The following LSM4 variants were observed in gnomAD, a reference collection of about 807,000 sequenced individuals.
LSM4 encodes U6 snRNA-associated Sm-like protein LSm4.
A neutral mutation model predicts 22.3 loss-of-function variants in LSM4; 15 were observed. The observed-to-expected ratio is 0.67, with a 90% CI of 0.45 to 1.03. LSM4 has a LOEUF of 1.03. Ranked by LOEUF, LSM4 falls within the 50% of genes least tolerant of loss-of-function variation. The pLI is 0.00. For synonymous variants in LSM4, 90 were observed against 79.8 expected (o/e 1.13, Z -0.68); for missense variants, 127 against 198.0 (o/e 0.64, Z 2.15).
At chr19:18,322,227 G>A (rs1171320788) in intron 1 of LSM4, among the ~76,000 whole-genome samples, 1 of 152,038 alleles carries the variant, frequency 6.6e-6, no homozygotes, top group Non-Finnish European at 1.5e-5. Flanking sequence ...CCCCAACAAG[G>A]GCCTTGGTTT....
chr19:18,319,270 A>G, intron 1 of LSM4, among the ~76,000 whole-genome samples: 1 of 151,426 alleles, frequency 6.6e-6, no homozygotes, highest in East Asian at 1.9e-4. Context: ...AAAACAAAAC[A>G]AAAGAAAGAC....
At chr19:18,310,292 GC>G in intron 3 of LSM4, 1 of 201,628 alleles carries the variant, frequency 5.0e-6, no homozygotes. Flanking sequence ...TCCTCCTCCT[GC>G]CCCAGCCCCA....
chr19:18,308,212 C>G (rs959503577), intron 4 of LSM4, among the ~76,000 whole-genome samples: 1 of 152,118 alleles, frequency 6.6e-6, no homozygotes, highest in African/African-American at 2.4e-5. Flanking sequence ...GACGCTACAG[C>G]GGCACCTCCA....
At chr19:18,312,911 AC>A (rs1970314289) in intron 2 of LSM4, among the ~76,000 whole-genome samples, 1 of 152,150 alleles carries the variant, frequency 6.6e-6, no homozygotes, top group Non-Finnish European at 1.5e-5. Context: ...CATGACGCCA[AC>A]CTTTGTGCAA....
chr19:18,322,332 C>T lies in LSM4; in HGVS notation c.3+686G>A, dbSNP rs369178148. Among the ~76,000 whole-genome samples, 183 of 152,330 alleles carry T rather than the reference C, an allele frequency of 1.2e-3. 1 individual carries two copies. The highest frequency in any genetic ancestry group is 3.9e-3 in the African/African-American group (164 of 41,566). ...ATCTGCACAGTGGGGGACACGGGCACTTTCTAGCCCAGATCCAGAACTTCC... is the reference window on the plus strand; with the variant it reads ...ATCTGCACAGTGGGGGACACGGGCATTTTCTAGCCCAGATCCAGAACTTCC... On this transcript the variant is annotated intron_variant, in intron 1 of 4. Coordinates refer to ENST00000593829, the MANE Select transcript of LSM4 (RefSeq NM_012321.5).
chr19:18,308,738 C>T (rs1298972754), intron 4 of LSM4, among the ~76,000 whole-genome samples: 1 of 152,176 alleles, frequency 6.6e-6, no homozygotes, highest in Non-Finnish European at 1.5e-5. Context: ...AGGGCTCTCA[C>T]CAGCCAGGGG....
At chr19:18,317,200 T>A (rs1194252033) in intron 1 of LSM4, among the ~76,000 whole-genome samples, 1 of 151,744 alleles carries the variant, frequency 6.6e-6, no homozygotes, top group Non-Finnish European at 1.5e-5. Flanking sequence ...TTTTGTACTT[T>A]TAGTAGAGAT....
At chr19:18,308,786 G>A (rs1179159879) in intron 4 of LSM4, among the ~76,000 whole-genome samples, 2 of 152,218 alleles carry the variant, frequency 1.3e-5, no homozygotes, top group Non-Finnish European at 2.9e-5. Flanking sequence ...AGAGGCCAAC[G>A]CTGGCCTGGG....
intron 1 of LSM4, among the ~76,000 whole-genome samples, chr19:18,321,512 T>C (rs1254329226): frequency 6.6e-6 from 1 of 152,220 alleles, no homozygotes; most frequent in African/African-American, 2.4e-5. Context: ...GTTTATAGTT[T>C]GACTCTGGAA....
At chr19:18,311,995 G>A (rs919402444) in intron 3 of LSM4, among the ~76,000 whole-genome samples, 12 of 152,172 alleles carry the variant, frequency 7.9e-5, no homozygotes, top group Admixed American at 6.5e-4. Context: ...GTCCAAGGGA[G>A]CCGCTGCCTT....
intron 2 of LSM4, 44 bp from the exon 3 acceptor site, chr19:18,312,746 C>G: frequency 1.4e-6 from 2 of 1,449,422 alleles, no homozygotes; most frequent in Non-Finnish European, 1.9e-6. Context: ...CCCTGGAGCC[C>G]TGCGCCATGG....
intron 1 of LSM4, among the ~76,000 whole-genome samples, chr19:18,319,865 C>T (rs185313992): frequency 1.3e-5 from 2 of 152,192 alleles, no homozygotes; most frequent in African/African-American, 2.4e-5. Context: ...CTGTGTCCCT[C>T]GCTAGACTGG....
At chr19:18,322,202 G>T (rs1054608001) in intron 1 of LSM4, among the ~76,000 whole-genome samples, 2 of 152,104 alleles carry the variant, frequency 1.3e-5, no homozygotes, top group African/African-American at 4.8e-5. Context: ...GTCTCACAGA[G>T]TCTGGAAGTC....
chr19:18,307,183 C>T lies in LSM4; in HGVS notation c.*281G>A, dbSNP rs1486877623. ...GAAAATGCTGCCCTGAGAACCAGAG[C>T]GAGGGCTTGAAAGATGCCTTCAACA... On this transcript the variant is annotated 3_prime_UTR_variant, in exon 5 of 5. Transcript: ENST00000593829. The T allele has an allele frequency of 8.4e-6, 3 of 356,196 alleles. No homozygotes were observed. Among genetic ancestry groups the T allele is most frequent in the Middle Eastern group, 7.2e-4 (1 of 1,392 alleles). 22.1% of individuals were successfully genotyped at this position (356,196 alleles called of 1,614,324 possible). A position where few individuals can be genotyped will look rare whatever the true frequency, so the allele number is the denominator to read the frequency against.
At chr19:18,319,628 C>T (rs1970402352) in intron 1 of LSM4, among the ~76,000 whole-genome samples, 1 of 152,202 alleles carries the variant, frequency 6.6e-6, no homozygotes, top group African/African-American at 2.4e-5. Flanking sequence ...CAACACTCCT[C>T]AGGCCCGCTA....
chr19:18,307,793 G>C (rs959573540), intron 4 of LSM4, among the ~76,000 whole-genome samples: 4 of 152,170 alleles, frequency 2.6e-5, no homozygotes, highest in East Asian at 3.9e-4. Context: ...ATGCGGGGGG[G>C]GGGGACTAGG....
chr19:18,308,162 CA>C (rs897099479), intron 4 of LSM4, among the ~76,000 whole-genome samples: 35 of 152,286 alleles, frequency 2.3e-4, no homozygotes, highest in African/African-American at 8.2e-4. Context: ...GGGGAGGTGA[CA>C]GGGGGTTCCC....
intron 3 of LSM4, among the ~76,000 whole-genome samples, chr19:18,311,254 G>A (rs985923882): frequency 2.6e-5 from 4 of 152,100 alleles, no homozygotes; most frequent in African/African-American, 9.7e-5. Context: ...TGCCCACAGC[G>A]CTCCAGAGGT....
chr19:18,307,021 G>A lies in LSM4; in HGVS notation c.*443C>T, dbSNP rs897850773. 1 of 161,714 alleles carries A rather than the reference G, an allele frequency of 6.2e-6. No individual in the cohort carries two copies. Among genetic ancestry groups the A allele is most frequent in the African/African-American group, 2.4e-5 (1 of 41,906 alleles). 10.0% of individuals were successfully genotyped at this position (161,714 alleles called of 1,614,324 possible). On this transcript the variant is annotated 3_prime_UTR_variant, in exon 5 of 5. Coordinates refer to ENST00000593829, the MANE Select transcript of LSM4 (RefSeq NM_012321.5). ...GAAGGCTTTCAACCGTCCCGGGTTT[G>A]TTTTGAAGGCAATTTTGGGGCCGCG...
Sources: gnomAD v4.1 joint callset for allele counts (sites outside exome capture counted in the v4.1 genomes callset) on GRCh38, gnomAD v4.1.1 for gene constraint, MANE v1.5 for transcripts, NCBI Gene and HGNC (gene_info 2026-07-23, HGNC 2026-07-21) for gene names.